ACSM1: variants seen among roughly 807,000 people sequenced by gnomAD.
ACSM1 encodes acyl-CoA synthetase medium chain family member 1, also known as acyl-coenzyme A synthetase ACSM1, mitochondrial.
In ACSM1, 79 loss-of-function variants were observed where a neutral mutation model predicts 75.8. The ratio of observed to expected loss-of-function variants is 1.04; its 90% confidence interval spans 0.87 to 1.26. The LOEUF (loss-of-function observed/expected upper bound fraction) is 1.26. ACSM1 is among the 50% of genes most tolerant of loss of function. The pLI, the probability that ACSM1 is intolerant of heterozygous loss-of-function variation, is 0.00. For missense variants in ACSM1, 676 were observed against 720.1 expected (o/e 0.94, Z 0.70); for synonymous variants, 279 against 265.8 (o/e 1.05, Z -0.48).
chr16:20,625,555 G>A (rs1265706119), intron 11 of ACSM1, 33 bp from the exon 12 acceptor site: 1 of 1,593,994 alleles, frequency 6.3e-7, no homozygotes, highest in Non-Finnish European at 8.6e-7. Context: ...GCAGATGCCA[G>A]GGCTGGGGTG....
intron 2 of ACSM1, among the ~76,000 whole-genome samples, chr16:20,689,630 A>G (rs2079617012): frequency 6.6e-6 from 1 of 152,234 alleles, no homozygotes; most frequent in Non-Finnish European, 1.5e-5. Context: ...TTTATAATAA[A>G]ATGCTTATAG....
At chr16:20,641,636 G>A (rs889523944) in intron 7 of ACSM1, among the ~76,000 whole-genome samples, 12 of 152,198 alleles carry the variant, frequency 7.9e-5, no homozygotes, top group Non-Finnish European at 1.5e-4. Flanking sequence ...CCAGGGCTCG[G>A]GGCCTTCACA....
At chr16:20,659,166 A>T (rs1446677531) in intron 7 of ACSM1, among the ~76,000 whole-genome samples, 1 of 152,150 alleles carries the variant, frequency 6.6e-6, no homozygotes, top group Non-Finnish European at 1.5e-5. Context: ...GCCTGACTCC[A>T]TCTCACCCCT....
chr16:20,676,446 C>T (rs117828353), intron 4 of ACSM1, among the ~76,000 whole-genome samples: 2,104 of 152,258 alleles, frequency 0.014, 30 homozygotes, highest in Non-Finnish European at 0.018. Flanking sequence ...TCTGTTTAAC[C>T]CTAAGGCTGC....
chr16:20,639,482 T>C (rs2017922906), intron 8 of ACSM1, among the ~76,000 whole-genome samples: 2 of 152,168 alleles, frequency 1.3e-5, no homozygotes, highest in Admixed American at 6.5e-5. Flanking sequence ...GTGGTCTCCA[T>C]GTTGCTGGAG....
chr16:20,678,611 G>A (rs1010939899), intron 4 of ACSM1, among the ~76,000 whole-genome samples: 1 of 152,194 alleles, frequency 6.6e-6, no homozygotes, highest in South Asian at 2.1e-4. Context: ...GTTGTTAAAA[G>A]ACATTATTCC....
chr16:20,628,607 G>A (rs2017138503), intron 10 of ACSM1, among the ~76,000 whole-genome samples: 1 of 151,620 alleles, frequency 6.6e-6, no homozygotes, highest in Non-Finnish European at 1.5e-5. Flanking sequence ...ATGCACAAAC[G>A]GTTTGATCCT....
chr16:20,637,223 C>T (rs750324897), intron 9 of ACSM1, 148 bp downstream of exon 9: 17 of 800,322 alleles, frequency 2.1e-5, no homozygotes, highest in Non-Finnish European at 3.4e-5. Flanking sequence ...TCAACTGAGG[C>T]CTCCATATGA....
intron 7 of ACSM1, among the ~76,000 whole-genome samples, chr16:20,652,541 AG>A (rs2018702017): frequency 6.6e-6 from 1 of 152,122 alleles, no homozygotes; most frequent in Admixed American, 6.6e-5. Context: ...CACAAGAAAG[AG>A]GGATATTTAA....
At chr16:20,629,457 A>T (rs1036311241) in intron 10 of ACSM1, among the ~76,000 whole-genome samples, 4 of 152,242 alleles carry the variant, frequency 2.6e-5, no homozygotes, top group African/African-American at 9.6e-5. Context: ...CAGAAGGGAA[A>T]AAATGTGTCA....
intron 7 of ACSM1, among the ~76,000 whole-genome samples, chr16:20,660,771 G>C (rs1318408542): frequency 6.6e-6 from 1 of 152,162 alleles, no homozygotes; most frequent in Non-Finnish European, 1.5e-5. Flanking sequence ...TTCAATTTCA[G>C]AGTCCCTAAA....
At chr16:20,633,488 T>C (rs1596795914) in intron 10 of ACSM1, among the ~76,000 whole-genome samples, 1 of 152,148 alleles carries the variant, frequency 6.6e-6, no homozygotes, top group East Asian at 1.9e-4. Flanking sequence ...AAAAGACTTG[T>C]ACACTGAAAA....
At chr16:20,664,899 T>A (rs932616646) in intron 6 of ACSM1, among the ~76,000 whole-genome samples, 3 of 152,136 alleles carry the variant, frequency 2.0e-5, no homozygotes, top group African/African-American at 7.2e-5. Flanking sequence ...TTCTCCTGAA[T>A]AACTCTTGGG....
rs1187066234 is a variant in ACSM1, at chr16:20,631,609, CCA to C, written c.1300-4295_1300-4294del. On this transcript the variant is annotated intron_variant, in intron 10 of 13. Coordinates refer to ENST00000520010, the MANE Select transcript of ACSM1 (RefSeq NM_001318890.3). Reference sequence around the variant, plus strand: ...AATTTGCAATTGCAAAGATATGGAACCAACCAAAGTGCCCATCAACCAATGAG... The same window carrying C: ...AATTTGCAATTGCAAAGATATGGAACACCAAAGTGCCCATCAACCAATGAG... Among the ~76,000 whole-genome samples, 4 of 152,140 alleles carry C rather than the reference CCA, an allele frequency of 2.6e-5. No individual in the cohort carries two copies. The East Asian group carries it at 7.7e-4, about 29-fold the overall frequency.
chr16:20,637,557 C>CTCAATGGATGCTGCA, intron 8 of ACSM1, 106 bp from the exon 9 acceptor site: 1 of 1,009,404 alleles, frequency 9.9e-7, no homozygotes, highest in South Asian at 1.3e-5. Flanking sequence ...TAGTATTCCT[C>CTCAATGGATGCTGCA]TCAATGGATG....
intron 10 of ACSM1, among the ~76,000 whole-genome samples, chr16:20,629,987 A>G (rs986343541): frequency 1.5e-5 from 2 of 132,858 alleles, no homozygotes; most frequent in African/African-American, 3.2e-5. Flanking sequence ...GGAGACTCCA[A>G]CTCAAAAAAA....
At chr16:20,692,782 T>C (rs2079666434) in intron 1 of ACSM1, among the ~76,000 whole-genome samples, 1 of 152,198 alleles carries the variant, frequency 6.6e-6, no homozygotes, top group Admixed American at 6.5e-5. Context: ...TAAGTCTTGA[T>C]ATACAGGGTT....
chr16:20,693,367 A>C (rs528647190), intron 1 of ACSM1, among the ~76,000 whole-genome samples: 3 of 152,294 alleles, frequency 2.0e-5, no homozygotes, highest in Admixed American at 6.5e-5. Context: ...TGACAGCAGG[A>C]ACCTCCTTTA....
Position 20,649,175 on chromosome 16 carries a change from G to GTTTTATTTTA in ACSM1, c.993-8601_993-8592dup, listed in dbSNP as rs60734826. 5.4e-3 allele frequency among the ~76,000 whole-genome samples: 812 copies of GTTTTATTTTA among 150,962 alleles called. 9 individuals are homozygous for GTTTTATTTTA. Among genetic ancestry groups the GTTTTATTTTA allele is most frequent in the African/African-American group, 0.019 (770 of 40,958 alleles). On this transcript the variant is annotated intron_variant, in intron 7 of 13. Transcript: ENST00000520010. ...ATGTTGGTAGTGAGGACAAAGCTCTGTTTTATTTTATTTTATTTTATTTTA... is the reference window on the plus strand; with the variant it reads ...ATGTTGGTAGTGAGGACAAAGCTCTGTTTTATTTTATTTTATTTTATTTTATTTTATTTTA...
Sources: allele counts gnomAD v4.1 joint callset (sites outside exome capture counted in the v4.1 genomes callset), GRCh38; gene constraint gnomAD v4.1.1; transcripts MANE v1.5; gene names NCBI Gene and HGNC (gene_info 2026-07-23, HGNC 2026-07-21).